Variants in SLC25A21 observed in about 807,000 individuals in gnomAD.
SLC25A21 encodes the protein solute carrier family 25 member 21.
A neutral mutation model predicts 43.8 loss-of-function variants in SLC25A21; 47 were observed. The observed-to-expected ratio is 1.07, with a 90% confidence interval of 0.85 to 1.37. SLC25A21 has a LOEUF of 1.37. Ranked by LOEUF, SLC25A21 falls within the 40% of genes most tolerant of loss-of-function variation. The pLI, the probability that SLC25A21 is intolerant of heterozygous loss-of-function variation, is 0.00. For synonymous variants in SLC25A21, 131 were observed against 121.3 expected, an observed-to-expected ratio of 1.08 and a Z score of -0.52; for missense variants, 352 against 350.2, an observed-to-expected ratio of 1.00 and a Z score of -0.04.
intron 1 of SLC25A21, among the ~76,000 whole-genome samples, chr14:37,041,679 G>A (rs1252578198): frequency 6.6e-6 from 1 of 152,156 alleles, no homozygotes; most frequent in African/African-American, 2.4e-5. Flanking sequence ...TGTGTCTAGA[G>A]CAGAATCCAT....
At chr14:36,779,501 C>CTA (rs987155570) in intron 3 of SLC25A21, among the ~76,000 whole-genome samples, 5 of 136,090 alleles carry the variant, frequency 3.7e-5, no homozygotes, top group Non-Finnish European at 4.7e-5. Context: ...AAACATATTC[C>CTA]TATATATATA....
intron 1 of SLC25A21, among the ~76,000 whole-genome samples, chr14:37,046,416 C>T (rs1961587328): frequency 6.6e-6 from 1 of 152,158 alleles, no homozygotes; most frequent in South Asian, 2.1e-4. Flanking sequence ...AAGCAGGTAG[C>T]TGGGCAGGGA....
At chr14:36,778,158 T>C (rs905450367) in intron 3 of SLC25A21, among the ~76,000 whole-genome samples, 2 of 152,206 alleles carry the variant, frequency 1.3e-5, no homozygotes, top group Non-Finnish European at 2.9e-5. Flanking sequence ...CTTGTCTTAA[T>C]TGCAGCATAC....
chr14:37,144,390 T>C (rs1470299691), intron 1 of SLC25A21, among the ~76,000 whole-genome samples: 1 of 152,216 alleles, frequency 6.6e-6, no homozygotes, highest in African/African-American at 2.4e-5. Context: ...CACATATACA[T>C]TCTCTTCTTT....
chr14:36,753,750 C>T (rs1885804908), intron 3 of SLC25A21, among the ~76,000 whole-genome samples: 1 of 152,122 alleles, frequency 6.6e-6, no homozygotes, highest in African/African-American at 2.4e-5. Context: ...CACTTCTGAA[C>T]TAGAAAGGGC....
chr14:36,708,557 C>T (rs927781678), intron 7 of SLC25A21, among the ~76,000 whole-genome samples: 1 of 152,096 alleles, frequency 6.6e-6, no homozygotes, highest in Non-Finnish European at 1.5e-5. Context: ...TCCACCTCAG[C>T]CTTGCAGGCA....
chr14:36,859,387 A>G (rs1489538771), intron 2 of SLC25A21, among the ~76,000 whole-genome samples: 2 of 152,224 alleles, frequency 1.3e-5, no homozygotes, highest in Non-Finnish European at 2.9e-5. Context: ...TGTGTGCACT[A>G]AAAACATTTC....
At chr14:36,721,882 A>G (rs1884387824) in intron 6 of SLC25A21, among the ~76,000 whole-genome samples, 1 of 152,252 alleles carries the variant, frequency 6.6e-6, no homozygotes, top group Admixed American at 6.5e-5. Context: ...ATGAGCATAC[A>G]TTACTTTTGA....
At chr14:36,680,805 C>T (rs1882210829) in intron 9 of SLC25A21, 86 bp from the exon 10 acceptor site, 13 of 1,231,598 alleles carry the variant, frequency 1.1e-5, no homozygotes, top group Non-Finnish European at 1.4e-5. Context: ...CATGATGTCT[C>T]GCACAGCCTG....
intron 1 of SLC25A21, among the ~76,000 whole-genome samples, chr14:37,151,559 G>T (rs921601328): frequency 6.6e-6 from 1 of 152,192 alleles, no homozygotes; most frequent in Non-Finnish European, 1.5e-5. Context: ...TAACCAGAGA[G>T]AAAAAGAAGA....
chr14:37,162,257 T>A lies in SLC25A21; in HGVS notation c.70+10024A>T, dbSNP rs144967126. 3.1e-3 allele frequency among the ~76,000 whole-genome samples: 474 copies of A among 152,312 alleles called. 1 individual carries two copies. Among genetic ancestry groups the A allele is most frequent in the African/African-American group, 0.011 (441 of 41,568 alleles). ...GTAGTTTCTTTTGCTGTGCAGAAGC[T>A]CTTTAGTTTAATTAGATCCGATTTG... On this transcript the variant is annotated intron_variant, in intron 1 of 9. Coordinates refer to ENST00000331299, the MANE Select transcript of SLC25A21 (RefSeq NM_030631.4).
intron 1 of SLC25A21, among the ~76,000 whole-genome samples, chr14:37,139,418 C>T (rs905835734): frequency 6.6e-6 from 1 of 152,088 alleles, no homozygotes; most frequent in South Asian, 2.1e-4. Context: ...AGATATATTT[C>T]GTTTATTTGC....
chr14:37,069,691 AT>A (rs1962133894), intron 1 of SLC25A21, among the ~76,000 whole-genome samples: 2 of 152,228 alleles, frequency 1.3e-5, no homozygotes, highest in Admixed American at 6.5e-5. Flanking sequence ...TACTACAAAA[AT>A]ATTTCTACCA....
intron 1 of SLC25A21, among the ~76,000 whole-genome samples, chr14:36,886,418 T>G (rs1890913497): frequency 6.6e-6 from 1 of 152,176 alleles, no homozygotes; most frequent in African/African-American, 2.4e-5. Context: ...TCACATAAGT[T>G]TACCATGTGC....
intron 1 of SLC25A21, among the ~76,000 whole-genome samples, chr14:37,146,031 A>G (rs10129152): frequency 0.029 from 4,453 of 152,248 alleles, 247 homozygotes; most frequent in East Asian, 0.26. Context: ...CTCACCACCA[A>G]TGACACTGGG....
At chr14:37,022,577 T>A (rs928408200) in intron 1 of SLC25A21, among the ~76,000 whole-genome samples, 35 of 152,010 alleles carry the variant, frequency 2.3e-4, no homozygotes, top group Non-Finnish European at 3.4e-4. Context: ...GTATGAAGTC[T>A]CATCAGTTCA....
chr14:36,747,514 G>T (rs1470184176), intron 3 of SLC25A21, among the ~76,000 whole-genome samples: 4 of 152,144 alleles, frequency 2.6e-5, no homozygotes, highest in African/African-American at 7.2e-5. Flanking sequence ...GGCAGCTGGG[G>T]CAGAAAGCCT....
chr14:37,052,472 A>G (rs534875478), intron 1 of SLC25A21, among the ~76,000 whole-genome samples: 1 of 152,310 alleles, frequency 6.6e-6, no homozygotes, highest in East Asian at 1.9e-4. Context: ...TCCCTTTTAA[A>G]TGTTAAATAT....
At chr14:36,896,348 G>T (rs1378462880) in intron 1 of SLC25A21, among the ~76,000 whole-genome samples, 1 of 152,082 alleles carries the variant, frequency 6.6e-6, no homozygotes, top group Non-Finnish European at 1.5e-5. Flanking sequence ...TTTTGTCAGA[G>T]ACTAGGATTG....
Sources: gnomAD v4.1 joint callset for allele counts (sites outside exome capture counted in the v4.1 genomes callset) on GRCh38, gnomAD v4.1.1 for gene constraint, MANE v1.5 for transcripts, NCBI Gene and HGNC (gene_info 2026-07-23, HGNC 2026-07-21) for gene names.